The following TUB variants were observed in gnomAD, a reference collection of about 807,000 sequenced individuals.
TUB encodes TUB bipartite transcription factor.
A neutral mutation model predicts 59.7 loss-of-function variants in TUB; 33 were observed. The observed-to-expected ratio is 0.55, with a 90% CI of 0.42 to 0.74. TUB has a LOEUF of 0.74. TUB is among the 30% of genes least tolerant of loss of function. TUB has a pLI of 0.00. For synonymous variants in TUB, 293 were observed against 256.4 expected, an observed-to-expected ratio of 1.14 and a Z score of -1.36; for missense variants, 659 against 672.0, an observed-to-expected ratio of 0.98 and a Z score of 0.21.
intron 1 of TUB, among the ~76,000 whole-genome samples, chr11:8,024,866 A>G (rs191189737): frequency 9.8e-5 from 15 of 152,324 alleles, no homozygotes; most frequent in Admixed American, 9.8e-4. Context: ...TCTGAGACAA[A>G]GTAGCATCAC....
chr11:8,080,202 T>C (rs143563608), upstream of TUB, among the ~76,000 whole-genome samples: 1 of 152,308 alleles, frequency 6.6e-6, no homozygotes, highest in East Asian at 1.9e-4. Context: ...TCTGGCGCGG[T>C]TGGCGCGGCA....
rs747034840 is a variant in TUB at position 8,089,607 on chromosome 11, C to T, written c.39-3C>T. The stretch of plus-strand genomic sequence containing the variant: ...CCCTGAAAACCCCTCTTTCGCTCTG[C>T]AGTGTCTTAGATGATGAGGGCAGAA... On this transcript the variant is annotated splice_polypyrimidine_tract_variant and splice_region_variant and intron_variant, in intron 1 of 11. Coordinates refer to ENST00000299506, the MANE Select transcript of TUB (RefSeq NM_177972.3). 7 of 1,614,056 alleles carry T rather than the reference C, an allele frequency of 4.3e-6. No individual in the cohort carries two copies. The highest frequency in any genetic ancestry group is 3.3e-5 in the Admixed American group (2 of 60,014).
chr11:8,071,028 A>G (rs1040340748), intron 2 of TUB, among the ~76,000 whole-genome samples: 2 of 152,112 alleles, frequency 1.3e-5, no homozygotes, highest in Non-Finnish European at 2.9e-5. Flanking sequence ...AGTGGTTTAT[A>G]TATATTAACT....
chr11:8,059,759 C>G lies in TUB; in HGVS notation c.203+20067C>G, dbSNP rs143822331. Among the ~76,000 whole-genome samples the G allele has an allele frequency of 2.7e-3, 416 of 152,222 alleles. 3 individuals are homozygous for G. Among genetic ancestry groups the G allele is most frequent in the African/African-American group, 9.8e-3 (405 of 41,534 alleles). On this transcript the variant is annotated intron_variant, in intron 2 of 12. Coordinates refer to the TUB transcript ENST00000305253. ...CTCATGGAAGAGCTTGGTTTGTATC[C>G]TTTGGAACGAGGAGCAGTGGAAAGA...
intron 9 of TUB, among the ~76,000 whole-genome samples, 162 bp from the exon 10 acceptor site, chr11:8,100,341 C>T (rs911748711): frequency 2.6e-5 from 4 of 152,012 alleles, no homozygotes; most frequent in South Asian, 4.2e-4. Flanking sequence ...GGGTAGAGAC[C>T]CAGGGGCTCA....
chr11:8,084,729 C>G (rs1943635121), intron 1 of TUB, among the ~76,000 whole-genome samples: 1 of 152,302 alleles, frequency 6.6e-6, no homozygotes, highest in Admixed American at 6.5e-5. Context: ...GGGATAGCCT[C>G]TAGGGCTTCC....
intron 8 of TUB, 122 bp from the exon 9 acceptor site, chr11:8,098,636 C>T (rs964743321): frequency 1.4e-6 from 1 of 717,292 alleles, no homozygotes. Context: ...GTATGCCTCC[C>T]TGGGCCTGCT....
chr11:8,023,902 A>T (rs1022276456), intron 1 of TUB, among the ~76,000 whole-genome samples: 2 of 152,228 alleles, frequency 1.3e-5, no homozygotes, highest in Non-Finnish European at 2.9e-5. Flanking sequence ...TTCAGTGCCC[A>T]TATCAGTGAC....
Position 8,102,382 on chromosome 11 carries a change from C to T in TUB, c.*763C>T, listed in dbSNP as rs953863381. The T allele has an allele frequency of 1.3e-5, 2 of 152,238 alleles. No individual in the cohort carries two copies. Among genetic ancestry groups the T allele is most frequent in the Non-Finnish European group, 2.9e-5 (2 of 68,066 alleles). 9.4% of individuals were successfully genotyped at this position (152,238 alleles called of 1,614,324 possible). On this transcript the variant is annotated 3_prime_UTR_variant, in exon 12 of 12. Coordinates refer to ENST00000299506, the MANE Select transcript of TUB (RefSeq NM_177972.3). Reference sequence around the variant, plus strand: ...GGATGGGCCCTGCAAGACACAGGCTCAGCATGCAGAAGTGCATGAACAGGG... The same window carrying T: ...GGATGGGCCCTGCAAGACACAGGCTTAGCATGCAGAAGTGCATGAACAGGG...
chr11:8,098,861 G>T lies in TUB; in HGVS notation c.1102G>T (p.Ala368Ser). 1 of 1,613,660 alleles carries T rather than the reference G, an allele frequency of 6.2e-7. No individual in the cohort carries two copies. The highest frequency in any genetic ancestry group is 8.5e-7 in the Non-Finnish European group (1 of 1,179,572). The change falls in exon 9 of 12, where the codon GCA becomes TCA. Residue 368 changes from alanine (A) to serine (S), a missense_variant. Ala to Ser is a moderately conservative substitution (Grantham distance 99). Transcript: ENST00000299506. The part of the protein sequence containing the change: ...LESGTLRQEL[A>S]AVCYETNVLG... ...AAGTGGAACCTTACGTCAGGAGCTG[G>T]CAGCTGTGTGCTACGTGAGTCCTAG...
At chr11:8,092,802 G>A (rs373645009) in intron 3 of TUB, among the ~76,000 whole-genome samples, 3 of 152,176 alleles carry the variant, frequency 2.0e-5, no homozygotes, top group East Asian at 1.9e-4. Context: ...CTCCCACCCC[G>A]CCTACAGCAT....
intron 1 of TUB, among the ~76,000 whole-genome samples, chr11:8,024,664 A>G (rs1337684621): frequency 6.6e-6 from 1 of 152,150 alleles, no homozygotes; most frequent in Non-Finnish European, 1.5e-5. Context: ...AACATCTTGT[A>G]TATATGACAT....
intron 1 of TUB, among the ~76,000 whole-genome samples, chr11:8,022,962 T>G (rs573781839): frequency 2.6e-5 from 4 of 152,264 alleles, no homozygotes; most frequent in Admixed American, 6.5e-5. Context: ...AAACAACTGT[T>G]TGAGTTAGCA....
rs1356784814 is a variant in TUB, at chr11:8,042,101, G to GA, written c.203+2413dup. On this transcript the variant is annotated intron_variant, in intron 2 of 12. Transcript: ENST00000305253. The stretch of plus-strand genomic sequence containing the variant: ...GAACATTTTCATTACTCCCCCCAAT[G>GA]AAAACCCATACCCATTTGCAGTCTC... 5.3e-5 allele frequency among the ~76,000 whole-genome samples: 8 copies of GA among 151,146 alleles called. No homozygotes were observed. In the East Asian group the frequency reaches 1.6e-3, roughly 29 times the overall value.
In TUB at chr11:8,084,460, C is replaced by T. The variant is rs562450448; in HGVS notation, c.38+2912C>T. ...TGAGGAATATTAAATGCCCTTAGTACATTTACAGCCTTTTATAAGTTGTAA... is the reference window on the plus strand; with the variant it reads ...TGAGGAATATTAAATGCCCTTAGTATATTTACAGCCTTTTATAAGTTGTAA... On this transcript the variant is annotated intron_variant, in intron 1 of 11. Transcript: ENST00000299506. 2.6e-5 allele frequency among the ~76,000 whole-genome samples: 4 copies of T among 152,324 alleles called. No homozygotes were observed. The South Asian group carries it at 8.3e-4, about 32-fold the overall frequency.
intron 2 of TUB, among the ~76,000 whole-genome samples, chr11:8,053,532 G>A (rs541207693): frequency 5.9e-4 from 89 of 151,360 alleles, no homozygotes; most frequent in Middle Eastern, 6.9e-3. Context: ...ACAGAGTCTC[G>A]CTCTGTCGCC....
At chr11:8,066,648 A>C (rs2133787240) in intron 2 of TUB, among the ~76,000 whole-genome samples, 1 of 152,282 alleles carries the variant, frequency 6.6e-6, no homozygotes, top group East Asian at 1.9e-4. Context: ...TCTGAATCCC[A>C]ATCTGTCGCC....
chr11:8,067,812 C>T (rs1428323450), intron 2 of TUB: 1 of 152,438 alleles, frequency 6.6e-6, no homozygotes, highest in Admixed American at 6.5e-5. Flanking sequence ...TCTCCTCACA[C>T]ATCCTGTCTC....
intron 4 of TUB, 88 bp from the exon 5 acceptor site, chr11:8,095,410 C>T: frequency 7.1e-7 from 1 of 1,404,074 alleles, no homozygotes; most frequent in African/African-American, 1.4e-5. Flanking sequence ...TTTCCCCACT[C>T]TTCCCTCATC....
Sources: allele counts gnomAD v4.1 joint callset (sites outside exome capture counted in the v4.1 genomes callset), GRCh38; gene constraint gnomAD v4.1.1; transcripts MANE v1.5; gene names NCBI Gene and HGNC (gene_info 2026-07-23, HGNC 2026-07-21).